The following RNF150 variants were observed in gnomAD, a reference collection of about 807,000 sequenced individuals.
RNF150 encodes the protein ring finger protein 150.
Under a neutral mutation model 39.3 loss-of-function variants are expected in RNF150, and 24 were observed. The observed-to-expected ratio is 0.61, with a 90% CI of 0.44 to 0.86. RNF150 has a LOEUF of 0.86. RNF150 is among the 40% of genes least tolerant of loss of function. The pLI is 0.00. For missense variants in RNF150, 502 were observed against 587.8 expected (o/e 0.85, Z 1.51); for synonymous variants, 255 against 227.3 (o/e 1.12, Z -1.10).
At chr4:141,125,884 C>T (rs750495623) in intron 1 of RNF150, among the ~76,000 whole-genome samples, 108 of 152,286 alleles carry the variant, frequency 7.1e-4, no homozygotes, top group Non-Finnish European at 1.4e-3. Context: ...AAGTTTCCTT[C>T]CCAATCCTCT....
chr4:141,050,916 C>T (rs1328289054), intron 1 of RNF150, among the ~76,000 whole-genome samples: 1 of 152,232 alleles, frequency 6.6e-6, no homozygotes, highest in Non-Finnish European at 1.5e-5. Flanking sequence ...TCCAACCCCA[C>T]ATTTCCCTTC....
intron 1 of RNF150, among the ~76,000 whole-genome samples, chr4:141,006,056 G>A (rs1172715703): frequency 6.9e-6 from 1 of 145,506 alleles, no homozygotes; most frequent in Non-Finnish European, 1.5e-5. Context: ...GCGACAGAGC[G>A]AGACTCCGTC....
intron 1 of RNF150, among the ~76,000 whole-genome samples, chr4:140,994,930 C>A (rs897053620): frequency 3.3e-5 from 5 of 152,122 alleles, no homozygotes; most frequent in Non-Finnish European, 7.4e-5. Context: ...TAATAATAAT[C>A]ATATCAGGGT....
Position 140,861,473 on chromosome 4 carries a change from A to G in RNF150, c.*6788T>C, listed in dbSNP as rs1728486594. ...CGAAGAAATTGTATGATGAAAGGCA[A>G]GTAACTGGTTGTTGAATTCATGACC... On this transcript the variant is annotated 3_prime_UTR_variant, in exon 7 of 7. Transcript: ENST00000515673. The G allele has an allele frequency of 6.6e-6, 1 of 152,218 alleles. No individual in the cohort carries two copies. The highest frequency in any genetic ancestry group is 6.5e-5 in the Admixed American group (1 of 15,278). The allele number at this position is 152,218 out of a possible 1,614,324, so 9.4% of individuals were successfully genotyped here.
chr4:141,078,806 AAAATAT>A (rs1451467111), intron 1 of RNF150, among the ~76,000 whole-genome samples: 59 of 62,874 alleles, frequency 9.4e-4, no homozygotes, highest in East Asian at 2.2e-3. Flanking sequence ...AAAAAAAAAA[AAAATAT>A]ATATATATAT....
intron 6 of RNF150, among the ~76,000 whole-genome samples, chr4:140,884,392 G>A (rs6835056): frequency 0.14 from 20,571 of 152,104 alleles, 1,699 homozygotes; most frequent in East Asian, 0.38. Flanking sequence ...TTCAGTATTT[G>A]AATTATCTGC....
At chr4:141,195,107 T>TAC (rs71584397) in intron 1 of RNF150, among the ~76,000 whole-genome samples, 3,705 of 150,142 alleles carry the variant, frequency 0.025, 139 homozygotes, top group African/African-American at 0.077. Context: ...GATACATGAA[T>TAC]ACACACACAC....
At chr4:141,071,182 T>C (rs1448958530) in intron 1 of RNF150, among the ~76,000 whole-genome samples, 1 of 132,714 alleles carries the variant, frequency 7.5e-6, no homozygotes. Context: ...AACTGAACAA[T>C]GAGATCACAT....
chr4:141,180,136 T>C (rs892829988), intron 1 of RNF150, among the ~76,000 whole-genome samples: 2 of 152,176 alleles, frequency 1.3e-5, no homozygotes, highest in Non-Finnish European at 2.9e-5. Flanking sequence ...GGTGGTTGTT[T>C]GCTGATGTTT....
At chr4:141,183,533 A>G (rs1466414167) in intron 1 of RNF150, among the ~76,000 whole-genome samples, 5 of 151,894 alleles carry the variant, frequency 3.3e-5, no homozygotes, top group Non-Finnish European at 1.5e-5. Flanking sequence ...ATTTTACTTT[A>G]TTTTATTTTT....
chr4:141,065,204 T>G (rs952926150), intron 1 of RNF150, among the ~76,000 whole-genome samples: 3 of 152,206 alleles, frequency 2.0e-5, no homozygotes, highest in Non-Finnish European at 4.4e-5. Flanking sequence ...GCCATAGGGC[T>G]TGATGTCTCC....
intron 1 of RNF150, among the ~76,000 whole-genome samples, chr4:141,057,450 T>C (rs144723443): frequency 8.3e-4 from 126 of 152,248 alleles, no homozygotes; most frequent in Admixed American, 2.0e-3. Context: ...CTTGGTTACA[T>C]AGATAAGTTC....
intron 1 of RNF150, among the ~76,000 whole-genome samples, chr4:141,194,777 T>C (rs746375591): frequency 6.6e-6 from 1 of 152,166 alleles, no homozygotes; most frequent in Non-Finnish European, 1.5e-5. Flanking sequence ...CTTCACACTA[T>C]TCACTTAAAA....
intron 1 of RNF150, among the ~76,000 whole-genome samples, chr4:140,991,637 C>T (rs1313796334): frequency 6.6e-6 from 1 of 152,178 alleles, no homozygotes; most frequent in Non-Finnish European, 1.5e-5. Flanking sequence ...AATGTCAAGA[C>T]TTCAACCTTA....
chr4:140,960,393 AG>A (rs1732972250), intron 2 of RNF150, among the ~76,000 whole-genome samples: 1 of 152,132 alleles, frequency 6.6e-6, no homozygotes, highest in Admixed American at 6.6e-5. Flanking sequence ...AAGTGATGGG[AG>A]TGATAAAGGT....
At chr4:140,958,407 C>T (rs1425836819) in intron 2 of RNF150, among the ~76,000 whole-genome samples, 1 of 152,056 alleles carries the variant, frequency 6.6e-6, no homozygotes, top group Non-Finnish European at 1.5e-5. Context: ...GACTGGCAAC[C>T]CGCCCCTGGG....
intron 1 of RNF150, among the ~76,000 whole-genome samples, chr4:141,048,565 T>C (rs1391624692): frequency 2.0e-5 from 3 of 152,080 alleles, no homozygotes; most frequent in Admixed American, 1.3e-4. Context: ...ACCCTGTCTC[T>C]AGAGAAAAAA....
chr4:140,926,391 G>T (rs551484723), intron 4 of RNF150, among the ~76,000 whole-genome samples: 1 of 152,192 alleles, frequency 6.6e-6, no homozygotes, highest in East Asian at 1.9e-4. Context: ...AATGCAAGTG[G>T]GGAAACTTGT....
At chr4:141,154,609 T>C (rs4956521) in intron 1 of RNF150, among the ~76,000 whole-genome samples, 31 of 152,304 alleles carry the variant, frequency 2.0e-4, no homozygotes, top group Middle Eastern at 3.4e-3. Context: ...TCTAGAGAGA[T>C]AGAATATGCC....
Sources: allele counts gnomAD v4.1 joint callset (sites outside exome capture counted in the v4.1 genomes callset), GRCh38; gene constraint gnomAD v4.1.1; transcripts MANE v1.5; gene names NCBI Gene and HGNC (gene_info 2026-07-23, HGNC 2026-07-21).